Variants in RASA2 observed in about 807,000 individuals in gnomAD.
The protein encoded by RASA2 is ras GTPase-activating protein 2.
In RASA2, 155 loss-of-function variants were observed where a neutral mutation model predicts 118.2. That is an observed-to-expected ratio of 1.31 (90% confidence interval 1.15 to 1.50). The LOEUF is 1.50. Among genes scored for constraint, RASA2 ranks in the 40% most tolerant of loss-of-function variants. The pLI, the probability that RASA2 is intolerant of heterozygous loss-of-function variation, is 0.00. For missense variants in RASA2, 1,016 were observed against 1,009.6 expected (o/e 1.01, Z -0.09); for synonymous variants, 353 against 349.1 (o/e 1.01, Z -0.12).
At chr3:141,557,646 T>C (rs764412056) in intron 7 of RASA2, among the ~76,000 whole-genome samples, 3 of 152,134 alleles carry the variant, frequency 2.0e-5, no homozygotes, top group Non-Finnish European at 2.9e-5. Flanking sequence ...AACTATGATC[T>C]GAGGTCCAGG....
At chr3:141,524,099 T>C (rs1385051189) in intron 3 of RASA2, among the ~76,000 whole-genome samples, 1 of 152,234 alleles carries the variant, frequency 6.6e-6, no homozygotes, top group Non-Finnish European at 1.5e-5. Context: ...GTACATTTAC[T>C]CATGATCCTA....
At chr3:141,552,284 G>C (rs1308227180) in intron 5 of RASA2, among the ~76,000 whole-genome samples, 2 of 152,104 alleles carry the variant, frequency 1.3e-5, no homozygotes, top group Non-Finnish European at 2.9e-5. Context: ...GTGTTTATGT[G>C]AGATAAATGT....
chr3:141,529,763 GT>G lies in RASA2; in HGVS notation c.415del (p.Ser139HisfsTer19). ...LCNHSGKETW[F>X]SLQPVDSNSE... ...GTAATCACAGTGGCAAAGAAACTTGGTTTTCATTACAGCCTGTTGACTCCAA... is the reference window on the plus strand; with the variant it reads ...GTAATCACAGTGGCAAAGAAACTTGGTTTCATTACAGCCTGTTGACTCCAA... On this transcript the variant is annotated frameshift_variant, in exon 4 of 24. Transcript: ENST00000286364. LOFTEE classifies it high-confidence loss of function. The G allele has an allele frequency of 6.2e-7, 1 of 1,612,220 alleles. No homozygotes were observed. Among genetic ancestry groups the G allele is most frequent in the Non-Finnish European group, 8.5e-7 (1 of 1,178,722 alleles).
intron 17 of RASA2, among the ~76,000 whole-genome samples, chr3:141,582,432 C>T (rs961351997): frequency 3.3e-5 from 5 of 152,134 alleles, no homozygotes; most frequent in Non-Finnish European, 7.3e-5. Context: ...CTTTTATTGG[C>T]AGGATTATGA....
chr3:141,584,057 G>T (rs932965160), intron 17 of RASA2, among the ~76,000 whole-genome samples: 2 of 152,032 alleles, frequency 1.3e-5, no homozygotes, highest in South Asian at 2.1e-4. Context: ...TTCCAGCCAG[G>T]CACGGTGGCT....
At chr3:141,588,354 T>A (rs1294732713) in intron 19 of RASA2, among the ~76,000 whole-genome samples, 1 of 152,042 alleles carries the variant, frequency 6.6e-6, no homozygotes, top group Non-Finnish European at 1.5e-5. Context: ...ACAAACCCAA[T>A]GGATATAGTA....
At chr3:141,593,960 C>T (rs975555163) in intron 19 of RASA2, among the ~76,000 whole-genome samples, 1 of 151,900 alleles carries the variant, frequency 6.6e-6, no homozygotes, top group African/African-American at 2.4e-5. Flanking sequence ...GGAGAAAAGG[C>T]GATCAGTAGA....
At chr3:141,564,687 C>T (rs183263985) in intron 9 of RASA2, among the ~76,000 whole-genome samples, 3 of 152,174 alleles carry the variant, frequency 2.0e-5, no homozygotes, top group Non-Finnish European at 4.4e-5. Context: ...AGCCTACCAA[C>T]AGGTAAAAAA....
At chr3:141,523,991 G>A (rs964753730) in intron 3 of RASA2, among the ~76,000 whole-genome samples, 1 of 152,172 alleles carries the variant, frequency 6.6e-6, no homozygotes, top group Non-Finnish European at 1.5e-5. Context: ...TGTATAAATT[G>A]CTTATGGCTA....
At chr3:141,504,127 G>A (rs760278483) in intron 1 of RASA2, among the ~76,000 whole-genome samples, 14 of 152,152 alleles carry the variant, frequency 9.2e-5, no homozygotes, top group South Asian at 2.1e-4. Context: ...GAAGTTTATA[G>A]TTCAGTGAAG....
chr3:141,569,481 T>C (rs569810801), intron 9 of RASA2, among the ~76,000 whole-genome samples: 84 of 152,268 alleles, frequency 5.5e-4, no homozygotes, highest in Admixed American at 2.0e-3. Flanking sequence ...AATCCTGATA[T>C]AGTCTAGAAA....
At position 141,603,313 on chromosome 3, in the gene RASA2, G is replaced by A. The variant is rs576408855; in HGVS notation, c.1934-4365G>A. Among the ~76,000 whole-genome samples the A allele has an allele frequency of 9.9e-5, 15 of 152,214 alleles. No homozygotes were observed. In the East Asian group the frequency reaches 1.4e-3, roughly 14 times the overall value. On this transcript the variant is annotated intron_variant, in intron 19 of 23. Coordinates refer to ENST00000286364, the MANE Select transcript of RASA2 (RefSeq NM_006506.5). ...AGGCCAGGCACAGTGGTTCAGGCCCGTAATCCCACTACTTTAGGAGGCCAA... is the reference window on the plus strand; with the variant it reads ...AGGCCAGGCACAGTGGTTCAGGCCCATAATCCCACTACTTTAGGAGGCCAA...
chr3:141,549,444 G>A (rs2082537147), intron 5 of RASA2, among the ~76,000 whole-genome samples: 1 of 151,420 alleles, frequency 6.6e-6, no homozygotes, highest in African/African-American at 2.4e-5. Context: ...GACTTCTCTA[G>A]GGAAAAATAG....
chr3:141,583,312 C>T (rs1462008707), intron 17 of RASA2, among the ~76,000 whole-genome samples: 2 of 152,072 alleles, frequency 1.3e-5, no homozygotes, highest in Non-Finnish European at 2.9e-5. Flanking sequence ...GTAATCCCAG[C>T]TACTAGGGAG....
chr3:141,516,472 G>T, intron 3 of RASA2, 41 bp downstream of exon 3: 1 of 1,301,914 alleles, frequency 7.7e-7, no homozygotes, highest in Non-Finnish European at 9.9e-7. Flanking sequence ...CAATGTTAAT[G>T]TTTATATTCA....
chr3:141,571,869 A>G (rs2082925552), intron 11 of RASA2, among the ~76,000 whole-genome samples: 1 of 151,798 alleles, frequency 6.6e-6, no homozygotes, highest in South Asian at 2.1e-4. Context: ...TTCTTTATTC[A>G]TTATGTATCA....
rs370094230 is a variant in RASA2 at position 141,608,881 on chromosome 3, G to T, written c.2225+184G>T. 1.3e-4 allele frequency among the ~76,000 whole-genome samples: 20 copies of T among 152,296 alleles called. No individual in the cohort carries two copies. In the South Asian group the frequency reaches 3.7e-3, roughly 28 times the overall value. On this transcript the variant is annotated intron_variant, in intron 21 of 23. Coordinates refer to ENST00000286364, the MANE Select transcript of RASA2 (RefSeq NM_006506.5). ...AGGCCACGTATTATCTGATAACATT[G>T]ATATAAAGTGTCTAGAATAGGTAAA...
chr3:141,498,947 A>G (rs2081740458), intron 1 of RASA2, among the ~76,000 whole-genome samples: 1 of 152,152 alleles, frequency 6.6e-6, no homozygotes, highest in Non-Finnish European at 1.5e-5. Flanking sequence ...GAGCTTGTAG[A>G]TCAGCACACA....
intron 15 of RASA2, chr3:141,578,930 C>T (rs1017488752): frequency 1.3e-5 from 2 of 152,092 alleles, no homozygotes; most frequent in Non-Finnish European, 2.9e-5. Flanking sequence ...ATTGTAGGGA[C>T]CTTTTATAGA....
Sources: gnomAD v4.1 joint callset for allele counts (sites outside exome capture counted in the v4.1 genomes callset) on GRCh38, gnomAD v4.1.1 for gene constraint, MANE v1.5 for transcripts, NCBI Gene and HGNC (gene_info 2026-07-23, HGNC 2026-07-21) for gene names.